Variants in UNC13C observed in about 807,000 individuals in gnomAD.
UNC13C encodes unc-13 homolog C.
Under a neutral mutation model 245.4 loss-of-function variants are expected in UNC13C, and 174 were observed. The ratio of observed to expected loss-of-function variants is 0.71; its 90% CI spans 0.63 to 0.80. UNC13C has a LOEUF of 0.80. Among genes scored for constraint, UNC13C ranks in the 30% least tolerant of loss-of-function variants. The probability of loss-of-function intolerance (pLI) is 0.00; values close to 1 mark genes in which losing one functional copy is unlikely to be tolerated. For missense variants in UNC13C, 2,829 were observed against 2,602.9 expected (o/e 1.09, Z -1.89); for synonymous variants, 992 against 895.1 (o/e 1.11, Z -1.93).
rs5812760 is a variant in UNC13C, at chr15:54,487,766, C to CAAA, written c.4934-6821_4934-6819dup. On this transcript the variant is annotated intron_variant, in intron 19 of 32. Coordinates refer to ENST00000260323, the MANE Select transcript of UNC13C (RefSeq NM_001080534.3). ...TGGGCAACAGAGCAAGATTCCATCT[C>CAAA]AAAAAAAAAAAAAAAAAAAAAAAGA... 1.6e-3 allele frequency among the ~76,000 whole-genome samples: 99 copies of CAAA among 62,706 alleles called. 1 individual carries two copies. The highest frequency in any genetic ancestry group is 2.3e-3 in the African/African-American group (39 of 16,646). The allele number at this position is 62,706 out of a possible 152,430, so 41.1% of individuals were successfully genotyped here.
chr15:54,179,241 T>TA (rs2033717168), intron 4 of UNC13C, among the ~76,000 whole-genome samples: 1 of 151,970 alleles, frequency 6.6e-6, no homozygotes, highest in South Asian at 2.1e-4. Flanking sequence ...GCACATACAA[T>TA]AAAAAATTAT....
intron 10 of UNC13C, among the ~76,000 whole-genome samples, chr15:54,287,709 G>T (rs969925942): frequency 6.6e-6 from 1 of 152,156 alleles, no homozygotes; most frequent in East Asian, 1.9e-4. Flanking sequence ...TTTGTCTAAT[G>T]TCCATCTCTA....
At chr15:53,933,088 A>G in the UNC13C span, among the ~76,000 whole-genome samples, 1 of 152,154 alleles carries the variant, frequency 6.6e-6, no homozygotes, top group Non-Finnish European at 1.5e-5. Flanking sequence ...AGATCCTCCA[A>G]TAACAGGCCT....
At chr15:54,363,283 A>T (rs566951125) in intron 17 of UNC13C, among the ~76,000 whole-genome samples, 1 of 152,142 alleles carries the variant, frequency 6.6e-6, no homozygotes, top group South Asian at 2.1e-4. Flanking sequence ...CAATTTTTGT[A>T]TTTTTATTAG....
At chr15:54,567,693 C>T in intron 29 of UNC13C, 107 bp from the exon 30 acceptor site, 1 of 1,062,528 alleles carries the variant, frequency 9.4e-7, no homozygotes, top group Non-Finnish European at 1.3e-6. Flanking sequence ...TTGTATCTTG[C>T]ATTGATCAAA....
At chr15:54,040,853 A>G (rs1896780064) in intron 2 of UNC13C, among the ~76,000 whole-genome samples, 1 of 152,122 alleles carries the variant, frequency 6.6e-6, no homozygotes, top group Non-Finnish European at 1.5e-5. Flanking sequence ...CACTTGGCTA[A>G]ATCCTCTACC....
At chr15:54,624,138 T>G (rs979954340) in intron 32 of UNC13C, among the ~76,000 whole-genome samples, 184 bp downstream of exon 32, 3 of 152,178 alleles carry the variant, frequency 2.0e-5, no homozygotes, top group African/African-American at 7.2e-5. Flanking sequence ...AGTCATTAGG[T>G]GTATATATCA....
chr15:54,596,722 T>C (rs1899103020), intron 30 of UNC13C, among the ~76,000 whole-genome samples: 1 of 152,182 alleles, frequency 6.6e-6, no homozygotes, highest in South Asian at 2.1e-4. Flanking sequence ...TTTGCTGCCC[T>C]CCCCATGGAA....
intron 13 of UNC13C, among the ~76,000 whole-genome samples, chr15:54,318,487 CT>C (rs1352294235): frequency 6.6e-6 from 1 of 151,790 alleles, no homozygotes; most frequent in East Asian, 1.9e-4. Flanking sequence ...TGATGTTGAA[CT>C]TTTTTTATAT....
chr15:54,629,721 A>G (rs1434591062), downstream of UNC13C: 1 of 147,236 alleles, frequency 6.8e-6, no homozygotes, highest in African/African-American at 2.4e-5. Context: ...TATTAATGTC[A>G]TAATACATGA....
chr15:53,963,789 G>A, the UNC13C span, among the ~76,000 whole-genome samples: 7,136 of 152,228 alleles, frequency 0.047, 270 homozygotes, highest in African/African-American at 0.1. Context: ...GGAACCAATG[G>A]CTGACATTCA....
At chr15:54,521,093 A>AG (rs1337342242) in intron 24 of UNC13C, among the ~76,000 whole-genome samples, 1 of 152,188 alleles carries the variant, frequency 6.6e-6, no homozygotes, top group Admixed American at 6.6e-5. Flanking sequence ...GAAGGAACCA[A>AG]GAGTGCAAGT....
chr15:53,857,998 G>T, the UNC13C span, among the ~76,000 whole-genome samples: 1 of 152,164 alleles, frequency 6.6e-6, no homozygotes, highest in South Asian at 2.1e-4. Flanking sequence ...TTAACATGCT[G>T]CTTTCTTAAT....
chr15:54,447,811 G>A (rs144155548), intron 19 of UNC13C, among the ~76,000 whole-genome samples: 1,733 of 152,186 alleles, frequency 0.011, 40 homozygotes, highest in African/African-American at 0.039. Context: ...CTTGCCTTCT[G>A]CTAGCTTTTG....
rs61402859 is a variant in UNC13C, at chr15:54,429,472, A to G, written c.4933+14405A>G. On this transcript the variant is annotated intron_variant, in intron 19 of 32. Transcript: ENST00000260323. ...CAGTTATTTCCCACAAATGATAAAA[A>G]GCAGTATAGAAACATATAGTTATAT... 7.7e-3 allele frequency among the ~76,000 whole-genome samples: 1,176 copies of G among 151,878 alleles called. 18 individuals are homozygous for G. Among genetic ancestry groups the G allele is most frequent in the African/African-American group, 0.027 (1,134 of 41,514 alleles).
chr15:54,499,390 A>G (rs1894096711), intron 20 of UNC13C, among the ~76,000 whole-genome samples: 2 of 152,086 alleles, frequency 1.3e-5, no homozygotes, highest in Non-Finnish European at 2.9e-5. Context: ...GTTTGACATG[A>G]GTTTTGGTGG....
intron 4 of UNC13C, among the ~76,000 whole-genome samples, chr15:54,180,044 C>T (rs76937854): frequency 5.3e-5 from 8 of 151,982 alleles, no homozygotes; most frequent in Admixed American, 3.3e-4. Flanking sequence ...AGGGGGTATA[C>T]GTGCAGGTTC....
rs1342575499 is a variant in UNC13C, at chr15:54,228,439, A to C, written c.3072-6591A>C. Among the ~76,000 whole-genome samples, 4 of 152,114 alleles carry C rather than the reference A, an allele frequency of 2.6e-5. No individual in the cohort carries two copies. In the South Asian group the frequency reaches 8.3e-4, roughly 32 times the overall value. On this transcript the variant is annotated intron_variant, in intron 4 of 32. Coordinates refer to ENST00000260323, the MANE Select transcript of UNC13C (RefSeq NM_001080534.3). ...GCAGAATGGGTCTCTCCCCATTGCC[A>C]TCACAGCTGGGAATGTGCTTGGTTA...
At chr15:54,459,197 T>A (rs1891700393) in intron 19 of UNC13C, among the ~76,000 whole-genome samples, 1 of 152,214 alleles carries the variant, frequency 6.6e-6, no homozygotes, top group South Asian at 2.1e-4. Context: ...ACTATTTTGT[T>A]AAGGAGGCTA....
Sources: gnomAD v4.1 joint callset for allele counts (sites outside exome capture counted in the v4.1 genomes callset) on GRCh38, gnomAD v4.1.1 for gene constraint, MANE v1.5 for transcripts, NCBI Gene and HGNC (gene_info 2026-07-23, HGNC 2026-07-21) for gene names.